PALM2AKAP2: variants seen among roughly 807,000 people sequenced by gnomAD.
PALM2AKAP2 encodes PALM2-AKAP2 fusion protein.
Under a neutral mutation model 71.5 loss-of-function variants are expected in PALM2AKAP2, and 37 were observed. That is an observed-to-expected ratio of 0.52 (90% CI 0.40 to 0.68). The LOEUF (loss-of-function observed/expected upper bound fraction) is 0.68, where lower values mean the gene tolerates loss of function less well. Ranked by LOEUF, PALM2AKAP2 falls within the 30% of genes least tolerant of loss-of-function variation. The probability of loss-of-function intolerance (pLI) is 0.00; values close to 1 mark genes in which losing one functional copy is unlikely to be tolerated. For synonymous variants in PALM2AKAP2, 468 were observed against 478.8 expected, an observed-to-expected ratio of 0.98 and a Z score of 0.29; for missense variants, 1,224 against 1,191.8, an observed-to-expected ratio of 1.03 and a Z score of -0.40.
chr9:109,653,651 G>A (rs772781364), intron 1 of PALM2AKAP2, among the ~76,000 whole-genome samples: 6 of 152,146 alleles, frequency 3.9e-5, no homozygotes, highest in Non-Finnish European at 8.8e-5. Flanking sequence ...CTGTAGATAG[G>A]GGGTGTAGTT....
intron 1 of PALM2AKAP2, among the ~76,000 whole-genome samples, chr9:109,843,805 C>T (rs555238568): frequency 2.6e-5 from 4 of 152,302 alleles, no homozygotes; most frequent in South Asian, 2.1e-4. Context: ...CTGTTCACAC[C>T]GAGTTCCAGA....
intron 6 of PALM2AKAP2, among the ~76,000 whole-genome samples, chr9:110,011,014 AATAT>A (rs1554737804): frequency 8.5e-4 from 59 of 69,584 alleles, no homozygotes; most frequent in African/African-American, 2.4e-3. Flanking sequence ...AAAAAAAAAA[AATAT>A]ATATATATAT....
At chr9:109,979,407 T>C (rs1026351930) in intron 6 of PALM2AKAP2, among the ~76,000 whole-genome samples, 4 of 152,200 alleles carry the variant, frequency 2.6e-5, no homozygotes, top group African/African-American at 7.2e-5. Flanking sequence ...GAGGAACTTA[T>C]GTGTGGCAAC....
At chr9:110,041,917 C>G (rs532283234) in intron 7 of PALM2AKAP2, among the ~76,000 whole-genome samples, 1 of 152,266 alleles carries the variant, frequency 6.6e-6, no homozygotes, top group South Asian at 2.1e-4. Flanking sequence ...TTCTTGTTTT[C>G]CAGCTACTCC....
intron 1 of PALM2AKAP2, chr9:109,640,906 C>T (rs755978072): frequency 1.5e-5 from 23 of 1,502,784 alleles, no homozygotes; most frequent in Non-Finnish European, 1.8e-5. Context: ...GCTCTCCTCT[C>T]GGCATGTTGC....
intron 1 of PALM2AKAP2, among the ~76,000 whole-genome samples, chr9:110,081,498 A>C (rs2118700080): frequency 6.6e-6 from 1 of 152,330 alleles, no homozygotes; most frequent in Admixed American, 6.5e-5. Flanking sequence ...AAAATAGAAC[A>C]TACCACATTA....
intron 1 of PALM2AKAP2, among the ~76,000 whole-genome samples, chr9:110,069,389 T>G (rs1450208184): frequency 6.6e-6 from 1 of 152,232 alleles, no homozygotes; most frequent in Non-Finnish European, 1.5e-5. Flanking sequence ...TTAGTTGACT[T>G]CAAAACATTT....
intron 6 of PALM2AKAP2, among the ~76,000 whole-genome samples, chr9:109,972,921 T>A (rs929332342): frequency 2.6e-5 from 4 of 152,196 alleles, no homozygotes; most frequent in African/African-American, 9.6e-5. Flanking sequence ...ATCATATAAA[T>A]CTTTCACCTT....
chr9:110,060,420 C>G (rs1406991930), intron 1 of PALM2AKAP2, among the ~76,000 whole-genome samples: 1 of 151,956 alleles, frequency 6.6e-6, no homozygotes, highest in Non-Finnish European at 1.5e-5. Context: ...TCTTTGGGGT[C>G]CTTGGATAGT....
chr9:110,060,775 T>A (rs1833949267), intron 1 of PALM2AKAP2, among the ~76,000 whole-genome samples: 1 of 151,960 alleles, frequency 6.6e-6, no homozygotes, highest in Admixed American at 6.6e-5. Flanking sequence ...CTAATTTTTG[T>A]ATTTTTGGTA....
intron 1 of PALM2AKAP2, among the ~76,000 whole-genome samples, chr9:109,736,629 G>A (rs1042277382): frequency 6.6e-6 from 1 of 151,782 alleles, no homozygotes; most frequent in Non-Finnish European, 1.5e-5. Context: ...TATTTAGGGG[G>A]TACAAGTGCA....
At chr9:109,788,444 T>C (rs2118851043) in intron 1 of PALM2AKAP2, among the ~76,000 whole-genome samples, 2 of 152,340 alleles carry the variant, frequency 1.3e-5, no homozygotes, top group South Asian at 4.1e-4. Context: ...GTTAGTGCAT[T>C]AGGATCACCT....
intron 3 of PALM2AKAP2, among the ~76,000 whole-genome samples, chr9:110,161,444 T>G (rs2119251365): frequency 6.6e-6 from 1 of 152,290 alleles, no homozygotes; most frequent in Middle Eastern, 3.4e-3. Context: ...CTATAGGAAC[T>G]AAAGGATCAT....
At chr9:109,912,866 C>T (rs1391150484) in intron 3 of PALM2AKAP2, among the ~76,000 whole-genome samples, 4 of 152,202 alleles carry the variant, frequency 2.6e-5, no homozygotes, top group Non-Finnish European at 5.9e-5. Flanking sequence ...CAGAGTTTTA[C>T]CATGGGACGA....
intron 1 of PALM2AKAP2, among the ~76,000 whole-genome samples, chr9:109,733,123 G>T (rs1184023233): frequency 6.6e-6 from 1 of 152,106 alleles, no homozygotes; most frequent in Non-Finnish European, 1.5e-5. Flanking sequence ...ATAAGAAAAG[G>T]GCAGGGATTT....
rs114441539 is a variant in PALM2AKAP2 at position 109,904,776 on chromosome 9, G to A, written c.258-18959G>A. ...TTTTAAAATTATTATTCTGGAGCAC[G>A]ATGTACTATCTCTGTATCCAAGAGT... On this transcript the variant is annotated intron_variant, in intron 3 of 9. Coordinates refer to the PALM2AKAP2 transcript ENST00000302798. Among the ~76,000 whole-genome samples, 691 of 152,282 alleles carry A rather than the reference G, an allele frequency of 4.5e-3. 7 individuals are homozygous for A. Among genetic ancestry groups the A allele is most frequent in the African/African-American group, 0.016 (662 of 41,542 alleles).
chr9:109,877,437 A>G (rs1461592059), intron 2 of PALM2AKAP2, among the ~76,000 whole-genome samples: 1 of 152,146 alleles, frequency 6.6e-6, no homozygotes, highest in Non-Finnish European at 1.5e-5. Context: ...AGCAGGCTAC[A>G]GGGGGAACAG....
At chr9:109,917,780 C>G (rs1219687602) in intron 3 of PALM2AKAP2, among the ~76,000 whole-genome samples, 19 of 152,172 alleles carry the variant, frequency 1.2e-4, no homozygotes, top group South Asian at 6.2e-4. Context: ...AGGCATGAGC[C>G]ACCGCACCCA....
At chr9:110,119,953 A>T (rs1835447968) in intron 1 of PALM2AKAP2, among the ~76,000 whole-genome samples, 1 of 152,212 alleles carries the variant, frequency 6.6e-6, no homozygotes. Context: ...TAGCAGTGGT[A>T]TTATGCCATT....
Sources: allele counts gnomAD v4.1 joint callset (sites outside exome capture counted in the v4.1 genomes callset), GRCh38; gene constraint gnomAD v4.1.1; transcripts MANE v1.5; gene names NCBI Gene and HGNC (gene_info 2026-07-23, HGNC 2026-07-21).